Variants in STK39 observed in about 807,000 individuals in gnomAD.
The protein encoded by STK39 is serine/threonine kinase 39, also known as STE20/SPS1-related proline-alanine-rich protein kinase.
Under a neutral mutation model 77.8 loss-of-function variants are expected in STK39, and 20 were observed. The observed-to-expected ratio is 0.26, with a 90% CI of 0.18 to 0.37. STK39 has a LOEUF of 0.37. STK39 is among the 10% of genes least tolerant of loss of function. The pLI, the probability that STK39 is intolerant of heterozygous loss-of-function variation, is 1.00. For missense variants in STK39, 479 were observed against 656.5 expected (o/e 0.73, Z 2.95); for synonymous variants, 246 against 234.1 (o/e 1.05, Z -0.47).
intron 16 of STK39, among the ~76,000 whole-genome samples, chr2:167,977,439 C>T (rs1018941967): frequency 1.3e-5 from 2 of 152,094 alleles, no homozygotes; most frequent in Non-Finnish European, 2.9e-5. Flanking sequence ...TTTAATTTCT[C>T]TTCAGAATGA....
chr2:168,184,383 G>A (rs1300379724), intron 1 of STK39, among the ~76,000 whole-genome samples: 2 of 152,186 alleles, frequency 1.3e-5, no homozygotes, highest in African/African-American at 4.8e-5. Flanking sequence ...TGTGACCTGA[G>A]ATCATTGTCA....
At chr2:168,065,666 A>G (rs1394051286) in intron 12 of STK39, among the ~76,000 whole-genome samples, 2 of 152,210 alleles carry the variant, frequency 1.3e-5, no homozygotes, top group African/African-American at 4.8e-5. Flanking sequence ...TTAAAGAACC[A>G]CTAAGCTAAA....
At position 168,155,694 on chromosome 2, in the gene STK39, G is replaced by A. The variant is rs183960631; in HGVS notation, c.628+6093C>T. Among the ~76,000 whole-genome samples the A allele has an allele frequency of 2.5e-3, 374 of 152,228 alleles. 4 individuals carry two copies. The highest frequency in any genetic ancestry group is 8.7e-3 in the African/African-American group (362 of 41,538). ...CTCATGGCTTGCAGGCTAGGGCAGT[G>A]CTTGTCCAAAATCAGAAGTGATATT... is the stretch of plus-strand genomic sequence containing the variant. On this transcript the variant is annotated intron_variant, in intron 5 of 17. Transcript: ENST00000355999.
intron 14 of STK39, among the ~76,000 whole-genome samples, chr2:168,053,214 A>G (rs1388495135): frequency 6.6e-6 from 1 of 152,232 alleles, no homozygotes; most frequent in Non-Finnish European, 1.5e-5. Context: ...CAGTAATATA[A>G]GTTTTGGTGC....
chr2:168,129,866 T>C (rs2246258), intron 8 of STK39, 108 bp from the exon 9 acceptor site: 131 of 1,247,148 alleles, frequency 1.1e-4, no homozygotes, highest in Non-Finnish European at 1.4e-4. Flanking sequence ...CCAATTTTAG[T>C]AATAGCAAAA....
chr2:168,035,245 A>G (rs75851520), intron 14 of STK39, among the ~76,000 whole-genome samples: 5,449 of 152,282 alleles, frequency 0.036, 347 homozygotes, highest in African/African-American at 0.12. Flanking sequence ...ATAAAAGATG[A>G]TTCAATTTCA....
chr2:168,008,210 G>T (rs1684180603), intron 16 of STK39, among the ~76,000 whole-genome samples: 1 of 152,156 alleles, frequency 6.6e-6, no homozygotes, highest in Admixed American at 6.5e-5. Flanking sequence ...GCTGAAGGGA[G>T]GCAAGTACAG....
chr2:167,965,667 T>C (rs1311700920), intron 16 of STK39, among the ~76,000 whole-genome samples: 1 of 152,230 alleles, frequency 6.6e-6, no homozygotes, highest in Non-Finnish European at 1.5e-5. Context: ...GAAGAAATTA[T>C]GGGAGAATGT....
At chr2:167,960,432 T>G (rs893849834) in intron 17 of STK39, among the ~76,000 whole-genome samples, 2 of 138,146 alleles carry the variant, frequency 1.4e-5, no homozygotes, top group African/African-American at 5.5e-5. Flanking sequence ...TAAATAAATA[T>G]GTATGCTTTT....
At chr2:168,108,886 A>G (rs1027105762) in intron 10 of STK39, among the ~76,000 whole-genome samples, 6 of 152,174 alleles carry the variant, frequency 3.9e-5, no homozygotes, top group Non-Finnish European at 5.9e-5. Flanking sequence ...AAGACAACAA[A>G]AGCTAAATTT....
chr2:168,089,668 C>G (rs1686465005), intron 10 of STK39, among the ~76,000 whole-genome samples: 1 of 152,210 alleles, frequency 6.6e-6, no homozygotes, highest in Non-Finnish European at 1.5e-5. Context: ...GGCTGGAGGG[C>G]AATGGCGCAA....
chr2:168,024,220 G>A lies in STK39; in HGVS notation c.1377-7125C>T, dbSNP rs376443656. 3.9e-5 allele frequency among the ~76,000 whole-genome samples: 6 copies of A among 152,304 alleles called. No homozygotes were observed. The East Asian group carries it at 5.8e-4, about 15-fold the overall frequency. ...CTGGGCAGATACTTCTGCTTCACAC[G>A]AGGAGGCCGCCTGGGGCAGGATGAG... On this transcript the variant is annotated intron_variant, in intron 14 of 17. Transcript: ENST00000355999.
intron 2 of STK39, among the ~76,000 whole-genome samples, chr2:168,175,893 C>G (rs573805068): frequency 5.3e-4 from 80 of 152,184 alleles, no homozygotes; most frequent in African/African-American, 1.8e-3. Context: ...AACTAAGTGG[C>G]AAGAGACAGA....
At chr2:168,220,434 A>G (rs919575362) in intron 1 of STK39, among the ~76,000 whole-genome samples, 3 of 152,192 alleles carry the variant, frequency 2.0e-5, no homozygotes, top group Non-Finnish European at 4.4e-5. Flanking sequence ...ACCCTAGCAA[A>G]TATTTTAAAT....
chr2:168,247,061 T>TTAAAAAAAA (rs1213358903), intron 1 of STK39, among the ~76,000 whole-genome samples, 167 bp downstream of exon 1: 2 of 89,306 alleles, frequency 2.2e-5, no homozygotes, highest in African/African-American at 4.6e-5. Context: ...CATTAAAAAT[T>TTAAAAAAAA]AAAAAAAAAA....
chr2:168,122,191 C>A (rs765746744), intron 10 of STK39, among the ~76,000 whole-genome samples: 4 of 152,176 alleles, frequency 2.6e-5, no homozygotes, highest in Non-Finnish European at 5.9e-5. Flanking sequence ...TTGCTATCCT[C>A]CACCCTCAAG....
intron 10 of STK39, among the ~76,000 whole-genome samples, chr2:168,105,500 T>C (rs765650589): frequency 6.6e-6 from 1 of 152,228 alleles, no homozygotes; most frequent in Non-Finnish European, 1.5e-5. Context: ...TGATGTTATC[T>C]AATTGGCATA....
In STK39 at chr2:168,075,006, T is replaced by C. The variant is rs1337825545; in HGVS notation, c.1218A>G (p.Arg406=). 2 of 1,613,900 alleles carry C rather than the reference T, an allele frequency of 1.2e-6. No homozygotes were observed. Among genetic ancestry groups the C allele is most frequent in the Non-Finnish European group, 1.7e-6 (2 of 1,179,996 alleles). The part of the protein sequence containing the change: ...GKAAFSQEKS[R]RVKEENPEIA... The stretch of plus-strand genomic sequence containing the variant: ...CCTCTGGATTTTCTTCTTTTACTCT[T>C]CGTGACTGTAAAACAATTATGTATC... Residue 406 remains arginine (R), a synonymous_variant, in exon 12 of 18, where the codon CGA becomes CGG. Transcript: ENST00000355999.
chr2:168,160,215 T>C (rs1688534134), intron 5 of STK39, among the ~76,000 whole-genome samples: 1 of 152,240 alleles, frequency 6.6e-6, no homozygotes, highest in Non-Finnish European at 1.5e-5. Flanking sequence ...ATTTTGACCC[T>C]TTTAGTGAGA....
Sources: allele counts gnomAD v4.1 joint callset (sites outside exome capture counted in the v4.1 genomes callset), GRCh38; gene constraint gnomAD v4.1.1; transcripts MANE v1.5; gene names NCBI Gene and HGNC (gene_info 2026-07-23, HGNC 2026-07-21).